Variants in CNTNAP5 observed in about 807,000 individuals in gnomAD.
CNTNAP5 encodes the protein contactin-associated protein-like 5.
In CNTNAP5, 72 loss-of-function variants were observed where a neutral mutation model predicts 150.2. The observed-to-expected ratio is 0.48, with a 90% CI of 0.40 to 0.58. The LOEUF (loss-of-function observed/expected upper bound fraction) is 0.58. Ranked by LOEUF, CNTNAP5 falls within the 20% of genes least tolerant of loss-of-function variation. The pLI, the probability that CNTNAP5 is intolerant of heterozygous loss-of-function variation, is 0.00. For synonymous variants in CNTNAP5, 672 were observed against 619.8 expected (o/e 1.08, Z -1.25); for missense variants, 1,636 against 1,626.2 (o/e 1.01, Z -0.10).
At chr2:124,087,553 T>C (rs1192698139) in intron 1 of CNTNAP5, among the ~76,000 whole-genome samples, 2 of 151,642 alleles carry the variant, frequency 1.3e-5, no homozygotes, top group Non-Finnish European at 2.9e-5. Context: ...GAAACCCCAT[T>C]TCTACTAAAA....
chr2:124,569,073 C>T (rs1025635070), intron 11 of CNTNAP5, among the ~76,000 whole-genome samples: 5 of 151,782 alleles, frequency 3.3e-5, no homozygotes, highest in Non-Finnish European at 5.9e-5. Flanking sequence ...ATATATATAT[C>T]TTTTTTCTAA....
At chr2:124,733,104 G>T (rs537885915) in intron 13 of CNTNAP5, among the ~76,000 whole-genome samples, 2 of 152,008 alleles carry the variant, frequency 1.3e-5, no homozygotes, top group Non-Finnish European at 2.9e-5. Context: ...AAAAGATTAG[G>T]AGCTTTTGGG....
At chr2:124,434,753 G>GTC (rs1056356471) in intron 5 of CNTNAP5, 66 bp downstream of exon 5, 1 of 1,360,680 alleles carries the variant, frequency 7.3e-7, no homozygotes, top group African/African-American at 1.4e-5. Context: ...AGCTCACAGT[G>GTC]TCTGACACTT....
chr2:124,163,353 A>G (rs980154610), intron 1 of CNTNAP5, among the ~76,000 whole-genome samples: 3 of 152,142 alleles, frequency 2.0e-5, no homozygotes, highest in Admixed American at 6.6e-5. Context: ...TAATTCATTT[A>G]TATCAAATTG....
Position 124,798,366 on chromosome 2 carries a change from GA to G in CNTNAP5, c.3217+47del, listed in dbSNP as rs1681893635. ...CCCAGCGGAGTCTCAGCCTGGGCTG[GA>G]GGGACGGTGCATGCCCTCCAGAACT... On this transcript the variant is annotated intron_variant, in intron 19 of 23. Coordinates refer to ENST00000682447, the MANE Select transcript of CNTNAP5 (RefSeq NM_001367498.1). 3 of 1,374,464 alleles carry G rather than the reference GA, an allele frequency of 2.2e-6. No individual in the cohort carries two copies. The African/African-American group carries it at 4.3e-5, about 20-fold the overall frequency. 85.1% of individuals were successfully genotyped at this position (1,374,464 alleles called of 1,614,324 possible).
chr2:124,481,111 G>A (rs1020936952), intron 7 of CNTNAP5, among the ~76,000 whole-genome samples: 8 of 152,176 alleles, frequency 5.3e-5, no homozygotes, highest in Admixed American at 5.2e-4. Context: ...GGACGATCGG[G>A]TTCGGGTGAG....
At chr2:124,361,916 C>T (rs922116159) in intron 3 of CNTNAP5, among the ~76,000 whole-genome samples, 20 of 152,136 alleles carry the variant, frequency 1.3e-4, no homozygotes, top group South Asian at 2.1e-4. Context: ...GCCTCGCTGC[C>T]GCCTTGCAGT....
At chr2:124,869,126 A>G (rs1677692413) in intron 20 of CNTNAP5, among the ~76,000 whole-genome samples, 2 of 152,162 alleles carry the variant, frequency 1.3e-5, no homozygotes, top group African/African-American at 4.8e-5. Context: ...TGTTGGTTGC[A>G]GCTAACTGTT....
intron 3 of CNTNAP5, among the ~76,000 whole-genome samples, chr2:124,407,008 C>A (rs1234967471): frequency 1.3e-5 from 2 of 152,132 alleles, no homozygotes; most frequent in South Asian, 4.1e-4. Flanking sequence ...CAGTTCCGTC[C>A]ATGTTGTTGC....
chr2:124,150,651 GAAAGAAAGAGAAAAAGAA>G (rs1016501825), intron 1 of CNTNAP5, among the ~76,000 whole-genome samples: 6 of 152,016 alleles, frequency 3.9e-5, no homozygotes, highest in African/African-American at 1.5e-4. Flanking sequence ...TGGGGAGAGA[GAAAGAAAGAGAAAAAGAA>G]AAAGAAAGAG....
intron 3 of CNTNAP5, among the ~76,000 whole-genome samples, chr2:124,280,182 ATTT>A (rs892315907): frequency 2.0e-5 from 3 of 150,330 alleles, no homozygotes; most frequent in Non-Finnish European, 3.0e-5. Flanking sequence ...ATATATATAC[ATTT>A]TTTTTTATTT....
intron 3 of CNTNAP5, among the ~76,000 whole-genome samples, chr2:124,287,154 G>A (rs903551012): frequency 2.0e-5 from 3 of 152,162 alleles, no homozygotes; most frequent in Admixed American, 1.3e-4. Context: ...AGCTACAATC[G>A]GGTGCTTACC....
intron 3 of CNTNAP5, among the ~76,000 whole-genome samples, chr2:124,300,503 T>G (rs1688547762): frequency 6.6e-6 from 1 of 152,018 alleles, no homozygotes; most frequent in Non-Finnish European, 1.5e-5. Context: ...GAGCAGAGAA[T>G]AGAGCAGGCT....
intron 1 of CNTNAP5, among the ~76,000 whole-genome samples, chr2:124,204,687 G>A (rs1256263050): frequency 6.6e-6 from 1 of 152,202 alleles, no homozygotes; most frequent in Non-Finnish European, 1.5e-5. Flanking sequence ...AGGCAAGAGA[G>A]CATGTGCAGG....
At chr2:124,620,157 G>T (rs544243021) in intron 12 of CNTNAP5, among the ~76,000 whole-genome samples, 1 of 152,040 alleles carries the variant, frequency 6.6e-6, no homozygotes, top group South Asian at 2.1e-4. Flanking sequence ...TGAATCTTTG[G>T]ATCTACTTTT....
chr2:124,356,397 G>A (rs903309102), intron 3 of CNTNAP5, among the ~76,000 whole-genome samples: 66 of 149,514 alleles, frequency 4.4e-4, no homozygotes, highest in African/African-American at 1.4e-3. Flanking sequence ...ATGCTGGTGC[G>A]CTGCACCCAC....
At chr2:124,427,085 G>A (rs1305586684) in intron 4 of CNTNAP5, among the ~76,000 whole-genome samples, 1 of 152,176 alleles carries the variant, frequency 6.6e-6, no homozygotes, top group Non-Finnish European at 1.5e-5. Context: ...GAAAAAAGGG[G>A]AAGAAATTGT....
At chr2:124,836,026 TTAG>T (rs1472437690) in intron 19 of CNTNAP5, among the ~76,000 whole-genome samples, 2 of 152,066 alleles carry the variant, frequency 1.3e-5, no homozygotes, top group African/African-American at 4.8e-5. Context: ...GGGCATGCTA[TTAG>T]TAGACCATGG....
At chr2:124,375,335 A>G (rs1211915070) in intron 3 of CNTNAP5, among the ~76,000 whole-genome samples, 2 of 152,176 alleles carry the variant, frequency 1.3e-5, no homozygotes, top group African/African-American at 4.8e-5. Flanking sequence ...CACCAATGAA[A>G]AAGCATACTT....
Sources: gnomAD v4.1 joint callset for allele counts (sites outside exome capture counted in the v4.1 genomes callset) on GRCh38, gnomAD v4.1.1 for gene constraint, MANE v1.5 for transcripts, NCBI Gene and HGNC (gene_info 2026-07-23, HGNC 2026-07-21) for gene names.